The following PAPOLA variants were observed in gnomAD, a reference collection of about 807,000 sequenced individuals.
PAPOLA encodes polynucleotide adenylyltransferase alpha.
In PAPOLA, 15 loss-of-function variants were observed where a neutral mutation model predicts 100.6. The observed-to-expected ratio is 0.15, with a 90% CI of 0.10 to 0.23. The LOEUF (loss-of-function observed/expected upper bound fraction) is 0.23, where lower values mean the gene tolerates loss of function less well. Ranked by LOEUF, PAPOLA falls within the 10% of genes least tolerant of loss-of-function variation. The pLI is 1.00. For synonymous variants in PAPOLA, 293 were observed against 300.0 expected, an observed-to-expected ratio of 0.98 and a Z score of 0.24; for missense variants, 533 against 884.2, an observed-to-expected ratio of 0.60 and a Z score of 5.04.
chr14:96,542,975 A>C (rs1390205928), intron 14 of PAPOLA, 82 bp downstream of exon 14: 2 of 1,409,386 alleles, frequency 1.4e-6, no homozygotes, highest in African/African-American at 1.4e-5. Flanking sequence ...TTTTATAACT[A>C]GTATAACTAT....
intron 1 of PAPOLA, among the ~76,000 whole-genome samples, chr14:96,514,851 A>G (rs758948889): frequency 6.6e-6 from 1 of 152,226 alleles, no homozygotes; most frequent in Non-Finnish European, 1.5e-5. Context: ...ACCAAGAATA[A>G]TATAACTAGT....
intron 9 of PAPOLA, 83 bp from the exon 10 acceptor site, chr14:96,534,408 T>G: frequency 1.3e-6 from 2 of 1,559,436 alleles, no homozygotes; most frequent in Non-Finnish European, 1.7e-6. Flanking sequence ...AGGATCACGT[T>G]CACAAATGCT....
intron 1 of PAPOLA, among the ~76,000 whole-genome samples, chr14:96,505,633 A>G (rs1896657509): frequency 6.6e-6 from 1 of 152,164 alleles, no homozygotes; most frequent in African/African-American, 2.4e-5. Context: ...TCGCCATAAC[A>G]AGCAGAACTG....
chr14:96,563,611 T>A (rs986027160), intron 21 of PAPOLA, among the ~76,000 whole-genome samples: 4 of 152,178 alleles, frequency 2.6e-5, no homozygotes, highest in Non-Finnish European at 5.9e-5. Flanking sequence ...TGTACTGATA[T>A]GATACTATGT....
At chr14:96,521,345 C>T (rs1256639725) in intron 3 of PAPOLA, among the ~76,000 whole-genome samples, 2 of 152,146 alleles carry the variant, frequency 1.3e-5, no homozygotes, top group Admixed American at 1.3e-4. Context: ...TACTTACACT[C>T]TTCACAGAAA....
At chr14:96,560,592 T>G in intron 19 of PAPOLA, 57 bp from the exon 20 acceptor site, 1 of 1,139,832 alleles carries the variant, frequency 8.8e-7, no homozygotes, top group Middle Eastern at 2.0e-4. Flanking sequence ...AAGCATTGAT[T>G]GGCAAATAAT....
chr14:96,516,824 T>G (rs184993946), intron 1 of PAPOLA, among the ~76,000 whole-genome samples: 2 of 152,206 alleles, frequency 1.3e-5, no homozygotes, highest in Admixed American at 6.5e-5. Flanking sequence ...GCTGAACAAG[T>G]CTTGTGCGCG....
chr14:96,502,428 GA>G lies in PAPOLA; in HGVS notation c.-163del. On this transcript the variant is annotated 5_prime_UTR_variant, in exon 1 of 22. An upstream open reading frame in the 5' UTR loses its in-frame stop. Transcript: ENST00000216277. ...TCGGGCGCCATGTTAGGACGAAGGGGAAGGAGGAGAAGCGCTTAAAGCGGCG... is the reference window on the plus strand; with the variant it reads ...TCGGGCGCCATGTTAGGACGAAGGGGAGGAGGAGAAGCGCTTAAAGCGGCG... 1.4e-6 allele frequency: 1 copy of G among 700,432 alleles called. No individual in the cohort carries two copies. Among genetic ancestry groups the G allele is most frequent in the Non-Finnish European group, 2.6e-6 (1 of 384,516 alleles). 43.4% of individuals were successfully genotyped at this position (700,432 alleles called of 1,614,324 possible).
intron 12 of PAPOLA, among the ~76,000 whole-genome samples, chr14:96,538,460 T>G (rs1028338429): frequency 3.9e-5 from 6 of 152,058 alleles, no homozygotes; most frequent in Non-Finnish European, 7.4e-5. Context: ...AAACTATGCT[T>G]CAGTCCTTGC....
chr14:96,520,964 T>C, intron 2 of PAPOLA, 42 bp from the exon 3 acceptor site: 1 of 904,094 alleles, frequency 1.1e-6, no homozygotes, highest in Middle Eastern at 2.1e-4. Flanking sequence ...ATTTAATCAG[T>C]AATGATCTGG....
In PAPOLA at chr14:96,525,342, A is replaced by G. The variant is rs756001930; in HGVS notation, c.282A>G (p.Gly94=). 3 of 1,525,770 alleles carry G rather than the reference A, an allele frequency of 2.0e-6. No individual in the cohort carries two copies. The highest frequency in any genetic ancestry group is 4.5e-5 in the East Asian group (2 of 44,246). The allele number at this position is 1,525,770 out of a possible 1,614,324, so 94.5% of individuals were successfully genotyped here. A position where few individuals can be genotyped will look rare whatever the true frequency, so the allele number is the denominator to read the frequency against. Residue 94 remains glycine (G), a synonymous_variant, in exon 4 of 22, where the codon GGA becomes GGG. Transcript: ENST00000216277. ...NLPQSVIENV[G]GKIFTFGSYR... Reference sequence around the variant, plus strand: ...CACAATCTGTAATTGAAAATGTTGGAGGAAAAATTTTTACATTTGGATCTT... The same window carrying G: ...CACAATCTGTAATTGAAAATGTTGGGGGAAAAATTTTTACATTTGGATCTT...
In PAPOLA at chr14:96,560,844, T is replaced by A. The variant is rs1375353265; in HGVS notation, c.2067+133T>A. ...TAGTATTGTTTATTACTGTTAATTA[T>A]GTAATGCTGAACACTGAAGGGAATA... On this transcript the variant is annotated intron_variant, in intron 20 of 21. Coordinates refer to ENST00000216277, the MANE Select transcript of PAPOLA (RefSeq NM_032632.5). The A allele has an allele frequency of 4.2e-5, 25 of 601,482 alleles. No homozygotes were observed. The East Asian group carries it at 7.1e-4, about 17-fold the overall frequency. 37.3% of individuals were successfully genotyped at this position (601,482 alleles called of 1,614,324 possible).
chr14:96,502,679 G>A, intron 1 of PAPOLA, 79 bp downstream of exon 1: 1 of 1,504,440 alleles, frequency 6.6e-7, no homozygotes, highest in Non-Finnish European at 8.9e-7. Context: ...GAGGTAGGCG[G>A]AGAGGGTGGC....
chr14:96,529,129 A>C (rs958734595), intron 6 of PAPOLA, among the ~76,000 whole-genome samples: 3 of 152,324 alleles, frequency 2.0e-5, no homozygotes. Context: ...ATAATATTTT[A>C]GGAACATAAT....
chr14:96,508,404 T>C (rs1896880597), intron 1 of PAPOLA, among the ~76,000 whole-genome samples: 1 of 152,228 alleles, frequency 6.6e-6, no homozygotes, highest in Admixed American at 6.5e-5. Flanking sequence ...TTTTGAGATG[T>C]GGTGTTCTGC....
Position 96,555,866 on chromosome 14 carries a change from G to T in PAPOLA, c.1684G>T (p.Ala562Ser). The T allele has an allele frequency of 6.3e-7, 1 of 1,599,496 alleles. No homozygotes were observed. Residue 562 changes from alanine to serine, a missense_variant, in exon 18 of 22, where the codon GCT (alanine) becomes TCT (serine). By Grantham distance (99) the Ala-to-Ser change is moderately conservative. Coordinates refer to ENST00000216277, the MANE Select transcript of PAPOLA (RefSeq NM_032632.5). ...SSQGRNSPAP[A>S]VTAASVTNIQ... Reference sequence around the variant, plus strand: ...TTTTAGCAGAAACAGTCCTGCTCCAGCTGTAACAGCAGCATCTGTGACCAA... The same window carrying T: ...TTTTAGCAGAAACAGTCCTGCTCCATCTGTAACAGCAGCATCTGTGACCAA...
Position 96,520,184 on chromosome 14 carries a change from G to A in PAPOLA, c.138G>A (p.Leu46=), listed in dbSNP as rs776180091. Residue 46 remains leucine (L), a synonymous_variant, in exon 2 of 22, where the codon TTG becomes TTA. Coordinates refer to ENST00000216277, the MANE Select transcript of PAPOLA (RefSeq NM_032632.5). ...CVLTQKLIET[L]KPFGVFEEEE... ...TTACACAGAAACTAATTGAGACATT[G>A]AAACCCTTTGGGGTTTTTGAAGAGG... 4 of 1,613,844 alleles carry A rather than the reference G, an allele frequency of 2.5e-6. No homozygotes were observed. Among genetic ancestry groups the A allele is most frequent in the African/African-American group, 2.7e-5 (2 of 74,920 alleles).
chr14:96,535,666 C>A, intron 10 of PAPOLA: 1 of 866,928 alleles, frequency 1.2e-6, no homozygotes, highest in Non-Finnish European at 1.5e-6. Context: ...TGCCAAAATC[C>A]AAATTGAAGC....
intron 1 of PAPOLA, among the ~76,000 whole-genome samples, chr14:96,508,261 G>A (rs1055356296): frequency 6.6e-6 from 1 of 152,138 alleles, no homozygotes; most frequent in African/African-American, 2.4e-5. Context: ...AAATTTTTTT[G>A]TTGTTGTCAG....
Sources: gnomAD v4.1 joint callset for allele counts (sites outside exome capture counted in the v4.1 genomes callset) on GRCh38, gnomAD v4.1.1 for gene constraint, MANE v1.5 for transcripts, NCBI Gene and HGNC (gene_info 2026-07-23, HGNC 2026-07-21) for gene names.